Variants in STPG2 observed in about 807,000 individuals in gnomAD.
The protein encoded by STPG2 is sperm-tail PG-rich repeat-containing protein 2.
In STPG2, 56 loss-of-function variants were observed where a neutral mutation model predicts 54.2. The ratio of observed to expected loss-of-function variants is 1.03; its 90% CI spans 0.83 to 1.29. The LOEUF (loss-of-function observed/expected upper bound fraction) is 1.29, where lower values mean the gene tolerates loss of function less well. Among genes scored for constraint, STPG2 ranks in the 50% most tolerant of loss-of-function variants. The pLI, the probability that STPG2 is intolerant of heterozygous loss-of-function variation, is 0.00. For synonymous variants in STPG2, 200 were observed against 181.8 expected (o/e 1.10, Z -0.81); for missense variants, 596 against 544.9 (o/e 1.09, Z -0.93).
chr4:97,918,278 T>C (rs78606793), intron 8 of STPG2, among the ~76,000 whole-genome samples: 350 of 152,204 alleles, frequency 2.3e-3, no homozygotes, highest in Non-Finnish European at 4.0e-3. Flanking sequence ...ATGAAAACAA[T>C]TGTCAGAGAT....
chr4:97,815,392 C>G (rs1453112364), intron 9 of STPG2, among the ~76,000 whole-genome samples: 1 of 152,148 alleles, frequency 6.6e-6, no homozygotes, highest in Non-Finnish European at 1.5e-5. Context: ...TTAGAAAATT[C>G]AAAATCTGAA....
rs1727541267 is a variant in STPG2, at chr4:97,805,783, A to T, written c.1204+34990T>A. On this transcript the variant is annotated intron_variant, in intron 9 of 10. Coordinates refer to ENST00000295268, the MANE Select transcript of STPG2 (RefSeq NM_174952.3). ...ACTAATCATCAGAGAAATGCAAATC[A>T]AAACCATAATGAGATACCATCACAC... Among the ~76,000 whole-genome samples the T allele has an allele frequency of 2.6e-5, 4 of 151,984 alleles. No homozygotes were observed. In the South Asian group the frequency reaches 8.3e-4, roughly 32 times the overall value.
chr4:97,850,361 CA>C (rs941514659), intron 8 of STPG2, among the ~76,000 whole-genome samples: 1 of 148,254 alleles, frequency 6.7e-6, no homozygotes, highest in Non-Finnish European at 1.5e-5. Context: ...AGACAAAGAG[CA>C]AAAAAAGAAA....
At chr4:97,521,468 A>G (rs1731179149) in intron 4 of STPG2, among the ~76,000 whole-genome samples, 1 of 152,054 alleles carries the variant, frequency 6.6e-6, no homozygotes, top group Non-Finnish European at 1.5e-5. Context: ...ACCACTGTAG[A>G]TCATTTGGGA....
intron 4 of STPG2, among the ~76,000 whole-genome samples, chr4:97,458,839 G>T (rs530524799): frequency 6.6e-6 from 1 of 152,166 alleles, no homozygotes; most frequent in Non-Finnish European, 1.5e-5. Context: ...GACAAAGAAA[G>T]ACTGAGGAAG....
intron 7 of STPG2, among the ~76,000 whole-genome samples, chr4:97,971,473 T>TA (rs1469328318): frequency 6.6e-6 from 1 of 152,244 alleles, no homozygotes; most frequent in African/African-American, 2.4e-5. Flanking sequence ...TATGCAGCCA[T>TA]AAAAAAGGAT....
chr4:98,021,861 A>G (rs1213307435), intron 5 of STPG2, among the ~76,000 whole-genome samples: 3 of 151,130 alleles, frequency 2.0e-5, no homozygotes, highest in Non-Finnish European at 2.9e-5. Flanking sequence ...TTTGTTTTCC[A>G]TTTGCTTGGT....
At chr4:97,957,046 G>C (rs112227802) in intron 7 of STPG2, among the ~76,000 whole-genome samples, 1 of 146,442 alleles carries the variant, frequency 6.8e-6, no homozygotes, top group Non-Finnish European at 1.5e-5. Flanking sequence ...GTCAGAGAAA[G>C]TCAGAGCCCA....
At chr4:97,791,904 T>C (rs532409968) in intron 9 of STPG2, among the ~76,000 whole-genome samples, 4 of 151,922 alleles carry the variant, frequency 2.6e-5, no homozygotes, top group Admixed American at 6.6e-5. Context: ...CAAATGATTA[T>C]AGCAAAAGGA....
At chr4:97,917,850 T>C (rs1731943320) in intron 8 of STPG2, among the ~76,000 whole-genome samples, 1 of 152,128 alleles carries the variant, frequency 6.6e-6, no homozygotes, top group Admixed American at 6.5e-5. Context: ...CTTTTTAGGC[T>C]TATTAAATAT....
intron 10 of STPG2, among the ~76,000 whole-genome samples, chr4:97,655,769 G>A (rs1722203762): frequency 6.6e-6 from 1 of 151,812 alleles, no homozygotes; most frequent in Non-Finnish European, 1.5e-5. Flanking sequence ...CTTAAATTTG[G>A]GAATTATACA....
intron 10 of STPG2, among the ~76,000 whole-genome samples, chr4:97,661,733 G>T (rs1407546984): frequency 6.7e-6 from 1 of 148,156 alleles, no homozygotes; most frequent in Non-Finnish European, 1.5e-5. Flanking sequence ...CATGGATACA[G>T]AAAAGAAAAA....
intron 5 of STPG2, among the ~76,000 whole-genome samples, chr4:97,995,505 A>G (rs1450503767): frequency 6.6e-6 from 1 of 151,794 alleles, no homozygotes; most frequent in Non-Finnish European, 1.5e-5. Context: ...GTCAGATTAC[A>G]TTTTAAAAAG....
At chr4:98,052,085 C>G (rs1428355714) in intron 5 of STPG2, among the ~76,000 whole-genome samples, 1 of 111,010 alleles carries the variant, frequency 9.0e-6, no homozygotes, top group Non-Finnish European at 1.9e-5. Flanking sequence ...AAAACTCTGT[C>G]TCAAAAAAAA....
At chr4:97,783,485 A>C (rs1726719504) in intron 9 of STPG2, among the ~76,000 whole-genome samples, 1 of 152,220 alleles carries the variant, frequency 6.6e-6, no homozygotes, top group African/African-American at 2.4e-5. Flanking sequence ...TGGCACTGTA[A>C]ACTAGTTCAA....
chr4:97,457,863 A>G (rs1430724847), intron 4 of STPG2, among the ~76,000 whole-genome samples: 1 of 152,224 alleles, frequency 6.6e-6, no homozygotes, highest in Non-Finnish European at 1.5e-5. Context: ...ACCTAGAGGA[A>G]AATTTAATGG....
chr4:97,476,221 A>G (rs1730067988), intron 4 of STPG2, among the ~76,000 whole-genome samples: 3 of 152,136 alleles, frequency 2.0e-5, no homozygotes, highest in Admixed American at 2.0e-4. Flanking sequence ...GTATCCTAAA[A>G]CAAACTTCTA....
intron 9 of STPG2, among the ~76,000 whole-genome samples, chr4:97,782,210 A>C (rs1273995744): frequency 8.5e-5 from 13 of 152,222 alleles, no homozygotes; most frequent in Non-Finnish European, 1.8e-4. Flanking sequence ...AATCTCCTTA[A>C]GCTGATAAGC....
intron 8 of STPG2, among the ~76,000 whole-genome samples, chr4:97,889,615 G>T (rs1166209378): frequency 6.6e-6 from 1 of 152,110 alleles, no homozygotes; most frequent in African/African-American, 2.4e-5. Flanking sequence ...TGAAAAAATT[G>T]ATTTCATAGA....
Sources: allele counts gnomAD v4.1 joint callset (sites outside exome capture counted in the v4.1 genomes callset), GRCh38; gene constraint gnomAD v4.1.1; transcripts MANE v1.5; gene names NCBI Gene and HGNC (gene_info 2026-07-23, HGNC 2026-07-21).